Variants in DNM3 observed in about 807,000 individuals in gnomAD.
The protein encoded by DNM3 is dynamin 3.
A neutral mutation model predicts 101.6 loss-of-function variants in DNM3; 47 were observed. That is an observed-to-expected ratio of 0.46 (90% CI 0.37 to 0.59). The LOEUF (loss-of-function observed/expected upper bound fraction) is 0.59, where lower values mean the gene tolerates loss of function less well. Ranked by LOEUF, DNM3 falls within the 20% of genes least tolerant of loss-of-function variation. The pLI, the probability that DNM3 is intolerant of heterozygous loss-of-function variation, is 0.00. For missense variants in DNM3, 849 were observed against 1,085.7 expected (o/e 0.78, Z 3.06); for synonymous variants, 385 against 387.9 (o/e 0.99, Z 0.09).
At chr1:171,951,324 T>C (rs1243728897) in intron 2 of DNM3, among the ~76,000 whole-genome samples, 1 of 152,198 alleles carries the variant, frequency 6.6e-6, no homozygotes, top group African/African-American at 2.4e-5. Flanking sequence ...TCCAAATAAA[T>C]GTAAGACTTG....
chr1:171,989,152 AGTGT>A lies in DNM3; in HGVS notation c.589+8_589+11del, dbSNP rs1249736101. 6.2e-7 allele frequency: 1 copy of A among 1,611,840 alleles called. No homozygotes were observed. Among genetic ancestry groups the A allele is most frequent in the Non-Finnish European group, 8.5e-7 (1 of 1,178,796 alleles). On this transcript the variant is annotated splice_donor_5th_base_variant and intron_variant, in intron 4 of 20. Transcript: ENST00000627582. ...GCTAAAGAAGTTGATCCTCAAGGTG[AGTGT>A]GTGACTACTAAGATGAGAAGGAATT...
At chr1:172,173,351 A>G (rs531771911) in intron 14 of DNM3, among the ~76,000 whole-genome samples, 1 of 151,814 alleles carries the variant, frequency 6.6e-6, no homozygotes, top group African/African-American at 2.4e-5. Context: ...TACATAGGGA[A>G]TCTAGAAGAA....
intron 14 of DNM3, among the ~76,000 whole-genome samples, chr1:172,163,664 A>C (rs1183234934): frequency 6.6e-6 from 1 of 152,032 alleles, no homozygotes; most frequent in East Asian, 1.9e-4. Flanking sequence ...GGCCTCTGGC[A>C]ACAACATTTT....
intron 17 of DNM3, among the ~76,000 whole-genome samples, chr1:172,377,170 A>C (rs1409754266): frequency 6.6e-6 from 1 of 151,992 alleles, no homozygotes; most frequent in Non-Finnish European, 1.5e-5. Flanking sequence ...TAAGGAAAAA[A>C]TTGACTTAAA....
At chr1:172,304,222 A>AAAAAAAAAAAAAAAACAAC (rs745651671) in intron 15 of DNM3, among the ~76,000 whole-genome samples, 1 of 128,942 alleles carries the variant, frequency 7.8e-6, no homozygotes, top group African/African-American at 3.5e-5. Flanking sequence ...AAAAAAAAAA[A>AAAAAAAAAAAAAAAACAAC]CAGGAGTTGC....
At chr1:172,032,545 T>G (rs1402526780) in intron 5 of DNM3, 45 bp downstream of exon 5, 11 of 1,310,344 alleles carry the variant, frequency 8.4e-6, no homozygotes, top group African/African-American at 7.9e-5. Context: ...TTTTTTTTTT[T>G]TTTTTTTTTT....
At chr1:171,949,520 C>G (rs1192144757) in intron 2 of DNM3, among the ~76,000 whole-genome samples, 1 of 152,162 alleles carries the variant, frequency 6.6e-6, no homozygotes, top group African/African-American at 2.4e-5. Context: ...AGCAATCCTC[C>G]CACCTCAGCC....
intron 2 of DNM3, among the ~76,000 whole-genome samples, chr1:171,927,666 T>C (rs965987094): frequency 6.6e-6 from 1 of 152,166 alleles, no homozygotes; most frequent in Middle Eastern, 3.2e-3. Flanking sequence ...ATATACACCA[T>C]GGAATACTAT....
chr1:172,020,721 CA>C (rs3051630), intron 4 of DNM3, among the ~76,000 whole-genome samples: 13,714 of 66,008 alleles, frequency 0.21, 667 homozygotes, highest in Middle Eastern at 0.33. Context: ...GAGACTCCGT[CA>C]AAAAAAAAAA....
intron 16 of DNM3, chr1:172,310,371 A>G (rs1049679159): frequency 6.6e-6 from 1 of 152,218 alleles, no homozygotes; most frequent in African/African-American, 2.4e-5. Context: ...ACAGAGGTGA[A>G]CAATAGCAAT....
At chr1:171,964,372 G>T (rs2043427196) in intron 2 of DNM3, among the ~76,000 whole-genome samples, 2 of 152,076 alleles carry the variant, frequency 1.3e-5, no homozygotes, top group Admixed American at 1.3e-4. Flanking sequence ...ACTCCCTTCT[G>T]TTGATTCCTG....
chr1:172,076,106 C>CT (rs908660262), intron 11 of DNM3, among the ~76,000 whole-genome samples: 1 of 152,104 alleles, frequency 6.6e-6, no homozygotes, highest in African/African-American at 2.4e-5. Context: ...CATGATTTGG[C>CT]TTTCTGTTTG....
chr1:172,165,751 G>C (rs576126329), intron 14 of DNM3, among the ~76,000 whole-genome samples: 1 of 152,026 alleles, frequency 6.6e-6, no homozygotes, highest in African/African-American at 2.4e-5. Context: ...AATCTTTAAT[G>C]CTTCTTTAAA....
chr1:172,392,299 G>T (rs1316593048), intron 20 of DNM3, among the ~76,000 whole-genome samples: 1 of 152,174 alleles, frequency 6.6e-6, no homozygotes, highest in Non-Finnish European at 1.5e-5. Context: ...GGTAACTTGA[G>T]TATACACAAA....
chr1:172,238,406 A>G lies in DNM3; in HGVS notation c.1660-15167A>G, dbSNP rs148029926. Among the ~76,000 whole-genome samples, 349 of 152,280 alleles carry G rather than the reference A, an allele frequency of 2.3e-3. 1 individual carries two copies. The highest frequency in any genetic ancestry group is 8.0e-3 in the African/African-American group (331 of 41,564). ...CCTACTAATTTGCTAGTGTACATGA[A>G]TAATTCATTCCTTGTAAATGGAAGG... On this transcript the variant is annotated intron_variant, in intron 14 of 20. Transcript: ENST00000627582.
intron 1 of DNM3, among the ~76,000 whole-genome samples, chr1:171,854,165 T>C (rs1002957856): frequency 6.6e-6 from 1 of 151,982 alleles, no homozygotes; most frequent in Non-Finnish European, 1.5e-5. Context: ...ACTTACAGAG[T>C]GTTGAGGTAA....
At chr1:172,319,945 C>T (rs1272396282) in intron 16 of DNM3, among the ~76,000 whole-genome samples, 2 of 152,014 alleles carry the variant, frequency 1.3e-5, no homozygotes. Flanking sequence ...ATGTTTATTG[C>T]AGCACTACTC....
chr1:172,023,658 G>A (rs1450442530), intron 4 of DNM3, among the ~76,000 whole-genome samples: 1 of 152,006 alleles, frequency 6.6e-6, no homozygotes, highest in East Asian at 1.9e-4. Flanking sequence ...ATGTGTGTGT[G>A]TGCTCATTTC....
chr1:172,227,484 CT>C (rs2061176972), intron 14 of DNM3, among the ~76,000 whole-genome samples: 1 of 151,670 alleles, frequency 6.6e-6, no homozygotes, highest in South Asian at 2.1e-4. Context: ...GGTAGATATA[CT>C]TTTGTTTGAG....
Sources: allele counts gnomAD v4.1 joint callset (sites outside exome capture counted in the v4.1 genomes callset), GRCh38; gene constraint gnomAD v4.1.1; transcripts MANE v1.5; gene names NCBI Gene and HGNC (gene_info 2026-07-23, HGNC 2026-07-21).